Variants in DNAH2 observed in about 807,000 individuals in gnomAD.
The protein encoded by DNAH2 is dynein axonemal heavy chain 2.
Under a neutral mutation model 523.5 loss-of-function variants are expected in DNAH2, and 323 were observed. That is an observed-to-expected ratio of 0.62 (90% CI 0.56 to 0.68). DNAH2 has a LOEUF of 0.68. Ranked by LOEUF, DNAH2 falls within the 30% of genes least tolerant of loss-of-function variation. The pLI, the probability that DNAH2 is intolerant of heterozygous loss-of-function variation, is 0.00. For synonymous variants in DNAH2, 2,093 were observed against 2,177.4 expected, an observed-to-expected ratio of 0.96 and a Z score of 1.08; for missense variants, 4,907 against 5,701.5, an observed-to-expected ratio of 0.86 and a Z score of 4.49.
chr17:7,826,672 G>GGGATTACA (rs1238913024), intron 77 of DNAH2, among the ~76,000 whole-genome samples: 1 of 151,208 alleles, frequency 6.6e-6, no homozygotes, highest in Non-Finnish European at 1.5e-5. Context: ...CCGAGTAGCT[G>GGGATTACA]GGATTACAGG....
Position 7,831,653 on chromosome 17 carries a change from C to A in DNAH2, c.12612-8C>A. 1 of 1,613,914 alleles carries A rather than the reference C, an allele frequency of 6.2e-7. No homozygotes were observed. Among genetic ancestry groups the A allele is most frequent in the Non-Finnish European group, 8.5e-7 (1 of 1,179,810 alleles). On this transcript the variant is annotated splice_region_variant and splice_polypyrimidine_tract_variant and intron_variant, in intron 81 of 85. Coordinates refer to ENST00000572933, the MANE Select transcript of DNAH2 (RefSeq NM_020877.5). The surrounding 1 kb of genome is among the most constrained non-coding windows in gnomAD (Gnocchi z 4.2). ...CTCATCTCTAACACTCCACCTCATC[C>A]TGCTCAGGTTCTCACTGACAGACCT...
At chr17:7,777,353 C>A in intron 32 of DNAH2, 93 bp from the exon 33 acceptor site, 1 of 1,411,170 alleles carries the variant, frequency 7.1e-7, no homozygotes, top group African/African-American at 1.4e-5. Flanking sequence ...GGGTCAGCAC[C>A]GGGTTGGAAG....
chr17:7,800,835 C>G (rs1240023948), intron 56 of DNAH2, among the ~76,000 whole-genome samples: 1 of 147,954 alleles, frequency 6.8e-6, no homozygotes, highest in East Asian at 2.1e-4. Context: ...CTACTGCACT[C>G]CAGCCTGGGC....
intron 25 of DNAH2, 74 bp downstream of exon 25, chr17:7,770,482 G>T: frequency 6.2e-7 from 1 of 1,613,502 alleles, no homozygotes; most frequent in South Asian, 1.1e-5. Flanking sequence ...TTCATCATCT[G>T]ATGGCGCCTC....
intron 19 of DNAH2, 40 bp downstream of exon 19, chr17:7,764,071 G>A (rs1219425041): frequency 6.2e-7 from 1 of 1,614,084 alleles, no homozygotes; most frequent in African/African-American, 1.3e-5. Flanking sequence ...GGCAGGGGCA[G>A]GCACTGGGCC....
chr17:7,829,035 T>A (rs371982881), intron 77 of DNAH2, among the ~76,000 whole-genome samples: 3,277 of 151,082 alleles, frequency 0.022, 57 homozygotes, highest in Middle Eastern at 0.082. Flanking sequence ...TTATTATTTT[T>A]TTTTTTTTGA....
chr17:7,785,262 C>T (rs188400060), intron 39 of DNAH2, among the ~76,000 whole-genome samples: 338 of 152,110 alleles, frequency 2.2e-3, no homozygotes, highest in Middle Eastern at 0.02. Flanking sequence ...CCACCACACC[C>T]GGCTAATTTT....
In DNAH2 at chr17:7,807,419, GGGGTTGGT is replaced by G. The variant is rs1267945131; in HGVS notation, c.9613-39_9613-32del. ...GAAGGAGGGGATGCCTGGAGGTGAG[GGGGTTGGT>G]GGGTTGGTGGGCGACTCCCACAGCC... is the stretch of plus-strand genomic sequence containing the variant. On this transcript the variant is annotated intron_variant, in intron 62 of 85. Coordinates refer to ENST00000572933, the MANE Select transcript of DNAH2 (RefSeq NM_020877.5). The surrounding 1 kb of genome is among the most constrained non-coding windows in gnomAD (Gnocchi z 5.6). The G allele has an allele frequency of 6.2e-7, 1 of 1,608,462 alleles. No homozygotes were observed. The highest frequency in any genetic ancestry group is 8.5e-7 in the Non-Finnish European group (1 of 1,178,040).
At chr17:7,721,006 T>TC (rs2074585515) in intron 2 of DNAH2, among the ~76,000 whole-genome samples, 2 of 116,022 alleles carry the variant, frequency 1.7e-5, no homozygotes, top group Non-Finnish European at 3.5e-5. Flanking sequence ...CTTTCTTTCT[T>TC]TTTTTTTTTT....
intron 2 of DNAH2, among the ~76,000 whole-genome samples, chr17:7,720,417 G>T (rs949858511): frequency 1.3e-5 from 2 of 152,200 alleles, no homozygotes; most frequent in Non-Finnish European, 2.9e-5. Context: ...GTAGACTGCG[G>T]AGGTTCAGGT....
Position 7,798,209 on chromosome 17 carries a change from G to C in DNAH2, c.8283G>C (p.Val2761=). 1 of 1,613,040 alleles carries C rather than the reference G, an allele frequency of 6.2e-7. No individual in the cohort carries two copies. The highest frequency in any genetic ancestry group is 8.5e-7 in the Non-Finnish European group (1 of 1,179,102). ...AGCCTCGGGGCAACATGCTCCTGGTGGGTATCGGGGGCAGCGGACGCCAGA... is the reference window on the plus strand; with the variant it reads ...AGCCTCGGGGCAACATGCTCCTGGTCGGTATCGGGGGCAGCGGACGCCAGA... ...IGQPRGNMLL[V]GIGGSGRQSL... The change falls in exon 54 of 86, where the codon GTG becomes GTC. Residue 2761 remains valine (V), a synonymous_variant. Transcript: ENST00000572933. The surrounding 1 kb of genome is among the most constrained non-coding windows in gnomAD (Gnocchi z 5.5).
Position 7,796,637 on chromosome 17 carries a change from T to TC in DNAH2, c.7849dup (p.Arg2617ProfsTer12). 1 of 1,611,730 alleles carries TC rather than the reference T, an allele frequency of 6.2e-7. No homozygotes were observed. Among genetic ancestry groups the TC allele is most frequent in the Non-Finnish European group, 8.5e-7 (1 of 1,179,342 alleles). ...CCAAGATGCATTACCTCTTCAACCT[T>TC]CGAGACATCTCCAAGGTGACTCGCG... On this transcript the variant is annotated frameshift_variant, in exon 50 of 86. Transcript: ENST00000572933. LOFTEE classifies it high-confidence loss of function.
Position 7,787,910 on chromosome 17 carries a change from T to C in DNAH2, c.6654T>C (p.Thr2218=), listed in dbSNP as rs181709188. Residue 2218 remains threonine (T), a synonymous_variant, in exon 43 of 86, where the codon ACT becomes ACC. Coordinates refer to ENST00000572933, the MANE Select transcript of DNAH2 (RefSeq NM_020877.5). ...VEDLAMASPA[T]VSRCGMVYTD... ...ACCTGGCAATGGCCTCTCCGGCCAC[T>C]GTATCCCGCTGCGGGATGGTCTACA... The C allele has an allele frequency of 3.1e-5, 50 of 1,614,170 alleles. No homozygotes were observed. In the Admixed American group the frequency reaches 6.8e-4, roughly 22 times the overall value.
At position 7,727,200 on chromosome 17, in the gene DNAH2, G is replaced by A. The variant is rs2074843023; in HGVS notation, c.307G>A (p.Glu103Lys). ...VWTQEHDAILEHFAQDPTESI... is the reference protein window; with the variant it reads ...VWTQEHDAILKHFAQDPTESI... Reference sequence around the variant, plus strand: ...GACACAGGAGCATGATGCCATTCTGGAACACTTTGCCCAGGACCCTACAGA... The same window carrying A: ...GACACAGGAGCATGATGCCATTCTGAAACACTTTGCCCAGGACCCTACAGA... Residue 103 changes from glutamate to lysine, a missense_variant, in exon 4 of 86, where the codon GAA (glutamate) becomes AAA (lysine). Glu to Lys is a moderately conservative substitution (Grantham distance 56). Transcript: ENST00000572933. 6.2e-7 allele frequency: 1 copy of A among 1,608,668 alleles called. No homozygotes were observed. The highest frequency in any genetic ancestry group is 1.3e-5 in the African/African-American group (1 of 74,582).
At chr17:7,746,993 T>TAA (rs768828946) in intron 12 of DNAH2, among the ~76,000 whole-genome samples, 6 of 100,396 alleles carry the variant, frequency 6.0e-5, no homozygotes, top group Admixed American at 3.8e-4. Context: ...ATCTCAAAAT[T>TAA]AAAAAAAAAA....
At chr17:7,796,364 A>T in intron 49 of DNAH2, 100 bp from the exon 50 acceptor site, 1 of 1,359,032 alleles carries the variant, frequency 7.4e-7, no homozygotes, top group South Asian at 1.5e-5. Context: ...ATTTTTTTTG[A>T]CACCCCCTTA....
chr17:7,818,237 T>C lies in DNAH2; in HGVS notation c.10388-75T>C, dbSNP rs2077740003. The C allele has an allele frequency of 4.4e-6, 7 of 1,599,246 alleles. No individual in the cohort carries two copies. In the South Asian group the frequency reaches 7.9e-5, roughly 18 times the overall value. On this transcript the variant is annotated intron_variant, in intron 68 of 85. Transcript: ENST00000572933. ...TTAGGACAGGCTGAGTCGCTGCCCC[T>C]GGATGCCGGTGGGGGATGGGTTAGC...
In DNAH2 at chr17:7,821,672, C is replaced by T. The variant is rs2077858508; in HGVS notation, c.11142+303C>T. ...GGCACTCCTTCCCCAGCCTGAGTTC[C>T]ATGGTCGCCCTCACAATCTCTCCCT... On this transcript the variant is annotated intron_variant, in intron 73 of 85. Coordinates refer to ENST00000572933, the MANE Select transcript of DNAH2 (RefSeq NM_020877.5). The surrounding 1 kb of genome is among the most constrained non-coding windows in gnomAD (Gnocchi z 5.0). Among the ~76,000 whole-genome samples the T allele has an allele frequency of 6.6e-6, 1 of 152,152 alleles. No homozygotes were observed. The highest frequency in any genetic ancestry group is 1.5e-5 in the Non-Finnish European group (1 of 68,024).
intron 14 of DNAH2, 73 bp from the exon 15 acceptor site, chr17:7,758,812 G>A: frequency 6.3e-7 from 1 of 1,590,400 alleles, no homozygotes; most frequent in Non-Finnish European, 8.6e-7. Context: ...TGGAGAACAA[G>A]TGGGAGGGTA....
Sources: allele counts gnomAD v4.1 joint callset (sites outside exome capture counted in the v4.1 genomes callset), GRCh38; gene constraint gnomAD v4.1.1; non-coding constraint Gnocchi (gnomAD v3.1); transcripts MANE v1.5; gene names NCBI Gene and HGNC (gene_info 2026-07-23, HGNC 2026-07-21).